The following TTI2 variants were observed in gnomAD, a reference collection of about 807,000 sequenced individuals.
The protein encoded by TTI2 is TELO2 interacting protein 2.
A neutral mutation model predicts 44.9 loss-of-function variants in TTI2; 26 were observed. The observed-to-expected ratio is 0.58, with a 90% confidence interval of 0.42 to 0.80. The LOEUF is 0.80. TTI2 is among the 30% of genes least tolerant of loss of function. TTI2 has a pLI of 0.00. For synonymous variants in TTI2, 254 were observed against 250.9 expected, an observed-to-expected ratio of 1.01 and a Z score of -0.12; for missense variants, 582 against 611.6, an observed-to-expected ratio of 0.95 and a Z score of 0.51.
At position 33,503,787 on chromosome 8, in the gene TTI2, C is replaced by CTTT; in HGVS notation, c.1075_1076insAAA (p.Arg359delinsGlnSer). On this transcript the variant is annotated protein_altering_variant, in exon 5 of 8. Transcript: ENST00000431156. ...CGGCAGGTTTCTTGCGTAGGTCCTGCGTAAAAGAAGGCGGTGCTCTGGCTC... is the reference window on the plus strand; with the variant it reads ...CGGCAGGTTTCTTGCGTAGGTCCTGCTTTGTAAAAGAAGGCGGTGCTCTGGCTC... 6.2e-7 allele frequency: 1 copy of CTTT among 1,613,994 alleles called. No homozygotes were observed. Among genetic ancestry groups the CTTT allele is most frequent in the Non-Finnish European group, 8.5e-7 (1 of 1,180,028 alleles).
Position 33,503,556 on chromosome 8 carries a change from C to T in TTI2, c.1132G>A (p.Val378Ile). ...AFVNRLGILT[V>I]RHLKRLERVI... ...CTCTCCAGCCTCTTTAAGTGCCGGA[C>T]AGTTAGGATCCCCAACCTAAAGATG... Residue 378 changes from valine (V) to isoleucine (I), a missense_variant, in exon 6 of 8, where the codon GTC becomes ATC. Transcript: ENST00000431156. The T allele has an allele frequency of 1.2e-6, 2 of 1,614,022 alleles. No homozygotes were observed. Among genetic ancestry groups the T allele is most frequent in the Non-Finnish European group, 1.7e-6 (2 of 1,180,034 alleles).
chr8:33,511,849 A>T, intron 2 of TTI2, 118 bp downstream of exon 2: 1 of 1,199,028 alleles, frequency 8.3e-7, no homozygotes, highest in African/African-American at 1.5e-5. Context: ...AGATCGCAAC[A>T]TTGCACTCCA....
At chr8:33,503,145 A>AC (rs1184198172) in intron 6 of TTI2, among the ~76,000 whole-genome samples, 2 of 137,212 alleles carry the variant, frequency 1.5e-5, no homozygotes, top group Admixed American at 7.3e-5. Flanking sequence ...AAAAAAAAAA[A>AC]AAACAAAAAA....
At chr8:33,508,176 C>T (rs2128829764) in intron 3 of TTI2, among the ~76,000 whole-genome samples, 1 of 142,750 alleles carries the variant, frequency 7.0e-6, no homozygotes, top group Admixed American at 7.0e-5. Context: ...GCTTTGGCCA[C>T]TTCTTCAGAA....
At chr8:33,505,039 A>G (rs1809245281) in intron 4 of TTI2, among the ~76,000 whole-genome samples, 1 of 152,120 alleles carries the variant, frequency 6.6e-6, no homozygotes, top group Non-Finnish European at 1.5e-5. Flanking sequence ...GCTGGGCAAC[A>G]TGGCAAAACC....
rs1809282680 is a variant in TTI2 at position 33,506,077 on chromosome 8, G to C, written c.927+1152C>G. 2.0e-5 allele frequency among the ~76,000 whole-genome samples: 3 copies of C among 152,100 alleles called. No homozygotes were observed. The South Asian group carries it at 6.2e-4, about 31-fold the overall frequency. On this transcript the variant is annotated intron_variant, in intron 4 of 7. Transcript: ENST00000431156. The stretch of plus-strand genomic sequence containing the variant: ...TGGGATTACAGGCGTGAGCCCTCGC[G>C]CCTGGCCACCCACTGCGCTTTATAG...
intron 2 of TTI2, among the ~76,000 whole-genome samples, chr8:33,510,841 C>T (rs767768287): frequency 4.6e-5 from 7 of 152,134 alleles, no homozygotes; most frequent in Admixed American, 1.3e-4. Context: ...TACTCCAGTG[C>T]TAACAAAGTA....
chr8:33,512,876 G>GT (rs1554528373), intron 1 of TTI2, 164 bp from the exon 2 acceptor site: 1 of 91,592 alleles, frequency 1.1e-5, no homozygotes, highest in Non-Finnish European at 1.8e-5. Context: ...CTCCGTCTCA[G>GT]TAAAAAAAAA....
At chr8:33,506,550 C>T (rs10954914) in intron 4 of TTI2, among the ~76,000 whole-genome samples, 80,326 of 151,390 alleles carry the variant, frequency 0.53, 21,720 homozygotes, top group Non-Finnish European at 0.59. Flanking sequence ...TGCCACCACG[C>T]CTGGCTAATT....
At chr8:33,505,515 GT>G in intron 4 of TTI2, among the ~76,000 whole-genome samples, 1 of 148,096 alleles carries the variant, frequency 6.8e-6, no homozygotes, top group Middle Eastern at 3.4e-3. Flanking sequence ...TTGAGATGTA[GT>G]TTCACTCTCG....
chr8:33,511,866 G>A, intron 2 of TTI2, 101 bp downstream of exon 2: 1 of 1,360,694 alleles, frequency 7.3e-7, no homozygotes, highest in Non-Finnish European at 1.0e-6. Context: ...TCCACCCTGG[G>A]CAACAAGAGT....
At chr8:33,502,487 G>A (rs1467009523) in intron 6 of TTI2, among the ~76,000 whole-genome samples, 1 of 151,134 alleles carries the variant, frequency 6.6e-6, no homozygotes, top group Non-Finnish European at 1.5e-5. Context: ...GGGCATCAAA[G>A]AGTACCTAGA....
intron 4 of TTI2, among the ~76,000 whole-genome samples, chr8:33,504,882 G>T (rs2676424): frequency 1.3e-5 from 2 of 151,920 alleles, no homozygotes; most frequent in East Asian, 3.9e-4. Flanking sequence ...CAGCCTTTCC[G>T]GCTGTTACAA....
intron 4 of TTI2, among the ~76,000 whole-genome samples, chr8:33,506,077 G>A (rs1809282680): frequency 1.3e-5 from 2 of 152,216 alleles, no homozygotes; most frequent in Non-Finnish European, 1.5e-5. Flanking sequence ...GAGCCCTCGC[G>A]CCTGGCCACC....
At position 33,508,087 on chromosome 8, in the gene TTI2, T is replaced by TAAAAAAAAA. The variant is rs58891946; in HGVS notation, c.835-775_835-767dup. Among the ~76,000 whole-genome samples the TAAAAAAAAA allele has an allele frequency of 1.4e-3, 27 of 19,510 alleles. 3 individuals are homozygous for TAAAAAAAAA. The highest frequency in any genetic ancestry group is 2.2e-3 in the African/African-American group (11 of 4,984). The allele number at this position is 19,510 out of a possible 152,430, so 12.8% of individuals were successfully genotyped here. ...ACAAAGAAAATGTGGCTAGCGGTAGTAAAAAAAAAAAAAAAAAAAAAAAAA... is the reference window on the plus strand; with the variant it reads ...ACAAAGAAAATGTGGCTAGCGGTAGTAAAAAAAAAAAAAAAAAAAAAAAAAAAAAAAAAA... On this transcript the variant is annotated intron_variant, in intron 3 of 7. Transcript: ENST00000431156.
intron 6 of TTI2, among the ~76,000 whole-genome samples, chr8:33,502,512 A>C (rs1158754413): frequency 6.6e-6 from 1 of 152,014 alleles, no homozygotes; most frequent in Non-Finnish European, 1.5e-5. Context: ...GATTCTGCAA[A>C]ACACCAATCT....
chr8:33,512,575 T>G lies in TTI2; in HGVS notation c.39A>C (p.Glu13Asp). 1 of 1,613,980 alleles carries G rather than the reference T, an allele frequency of 6.2e-7. No homozygotes were observed. Among genetic ancestry groups the G allele is most frequent in the Non-Finnish European group, 8.5e-7 (1 of 1,180,020 alleles). ...LDSALEAPSQ[E>D]DSNLSEELSH... is the part of the protein sequence containing the mutation. Reference sequence around the variant, plus strand: ...ACAACTCCTCGGACAAATTAGAGTCTTCCTGCGATGGGGCTTCCAGAGCGC... The same window carrying G: ...ACAACTCCTCGGACAAATTAGAGTCGTCCTGCGATGGGGCTTCCAGAGCGC... The change falls in exon 2 of 8, where the codon GAA becomes GAC. Residue 13 changes from glutamate (E) to aspartate (D), a missense_variant. By Grantham distance (45) the Glu-to-Asp change is conservative. Transcript: ENST00000431156.
Position 33,499,174 on chromosome 8 carries a change from T to A in TTI2, c.1526A>T (p.Ter509LeuextTer78). 6.2e-7 allele frequency: 1 copy of A among 1,611,804 alleles called. No individual in the cohort carries two copies. The part of the protein sequence containing the change: ...VSEGAPYNGT[*>L] ...CCTCTTGGGAAAGTAATACAAGTCTTAAGTTCCATTGTAGGGTGCGCCTTC... is the reference window on the plus strand; with the variant it reads ...CCTCTTGGGAAAGTAATACAAGTCTAAAGTTCCATTGTAGGGTGCGCCTTC... Residue 509 changes from the stop codon to leucine, a stop_lost, in exon 8 of 8, where the codon TAA becomes TTA. Coordinates refer to ENST00000431156, the MANE Select transcript of TTI2 (RefSeq NM_001102401.4).
chr8:33,498,886 G>T lies in TTI2; in HGVS notation c.*287C>A. The T allele has an allele frequency of 3.4e-6, 2 of 581,570 alleles. No homozygotes were observed. The highest frequency in any genetic ancestry group is 4.4e-5 in the South Asian group (2 of 45,870). The allele number at this position is 581,570 out of a possible 1,614,324, so 36.0% of individuals were successfully genotyped here. On this transcript the variant is annotated 3_prime_UTR_variant, in exon 8 of 8. Transcript: ENST00000431156. ...TGTGCCCGAGAAACTTAACAGATGA[G>T]TTCTTGAATCTGGGATGAGATGACG...
Sources: allele counts gnomAD v4.1 joint callset (sites outside exome capture counted in the v4.1 genomes callset), GRCh38; gene constraint gnomAD v4.1.1; transcripts MANE v1.5; gene names NCBI Gene and HGNC (gene_info 2026-07-23, HGNC 2026-07-21).